NACA: variants seen among roughly 807,000 people sequenced by gnomAD.
NACA encodes nascent polypeptide associated complex subunit alpha.
Under a neutral mutation model 86.4 loss-of-function variants are expected in NACA, and 42 were observed. That is an observed-to-expected ratio of 0.49 (90% CI 0.38 to 0.63). The LOEUF (loss-of-function observed/expected upper bound fraction) is 0.63. Ranked by LOEUF, NACA falls within the 20% of genes least tolerant of loss-of-function variation. The pLI, the probability that NACA is intolerant of heterozygous loss-of-function variation, is 0.00. For missense variants in NACA, 2,157 were observed against 2,483.6 expected (o/e 0.87, Z 2.80); for synonymous variants, 898 against 973.7 (o/e 0.92, Z 1.45).
chr12:56,724,819 T>TA (rs1565901279), intron 1 of NACA: 3 of 367,312 alleles, frequency 8.2e-6, no homozygotes, highest in East Asian at 1.1e-4. Context: ...CCACTCCTAA[T>TA]ACTCACACTG....
intron 2 of NACA, 47 bp downstream of exon 2, chr12:56,724,405 C>T (rs1565900918): frequency 6.4e-7 from 1 of 1,561,602 alleles, no homozygotes; most frequent in Non-Finnish European, 8.7e-7. Flanking sequence ...CACCAAATGG[C>T]TTTAGGGTTA....
At position 56,718,155 on chromosome 12, in the gene NACA, T is replaced by G. The variant is rs56743414; in HGVS notation, c.3375A>C (p.Ala1125=). ...GAGGAGTTGCAGCTGGGGTTGTGGG[T>G]GCCCCTTTGTGGGGTGGGGTAGCTA... is the stretch of plus-strand genomic sequence containing the variant. ...GGLATPPHKG[A]PTTPAATPPS... Residue 1125 remains alanine (A), a synonymous_variant, in exon 3 of 9, where the codon GCA becomes GCC. Transcript: ENST00000454682. 927 of 469,618 alleles carry G rather than the reference T, an allele frequency of 2.0e-3. 138 individuals carry two copies. The highest frequency in any genetic ancestry group is 0.019 in the East Asian group (73 of 3,812). 29.1% of individuals were successfully genotyped at this position (469,618 alleles called of 1,614,324 possible).
intron 4 of NACA, 57 bp downstream of exon 4, chr12:56,714,545 T>C (rs955229074): frequency 3.7e-5 from 60 of 1,606,194 alleles, no homozygotes; most frequent in Non-Finnish European, 4.7e-5. Flanking sequence ...AATACAAAAG[T>C]TGCCCTGATC....
Position 56,716,323 on chromosome 12 carries a change from G to T in NACA, c.5207C>A (p.Ala1736Asp). 1 of 1,612,856 alleles carries T rather than the reference G, an allele frequency of 6.2e-7. No homozygotes were observed. The highest frequency in any genetic ancestry group is 8.5e-7 in the Non-Finnish European group (1 of 1,179,724). ...SKGPLSTVAP[A>D]PLLPVQKDSS... The stretch of plus-strand genomic sequence containing the variant: ...GTCTTTCTGAACAGGGAGTAGAGGG[G>T]CTGGAGCCACTGTGGAAAGGGGTCC... The change falls in exon 3 of 9, where the codon GCC becomes GAC. Residue 1736 changes from alanine (A) to aspartate (D), a missense_variant. Physicochemically the swap from Ala to Asp is moderately radical, Grantham distance 126 (BLOSUM62 -2). Coordinates refer to ENST00000454682, the MANE Select transcript of NACA (RefSeq NM_001365896.1).
Position 56,724,485 on chromosome 12 carries a change from C to G in NACA, c.37G>C (p.Glu13Gln). ...GEATETVPAT[E>Q]QELPQPQAET... ...GCCTGGGGCTGCGGCAACTCCTGCT[C>G]TGTAGCAGGGACGGTTTCTGTGGCT... Residue 13 changes from glutamate to glutamine, a missense_variant, in exon 2 of 9, where the codon GAG becomes CAG. Physicochemically the swap from Glu to Gln is conservative, Grantham distance 29 (BLOSUM62 2). Transcript: ENST00000454682. 1.9e-6 allele frequency: 3 copies of G among 1,612,836 alleles called. No individual in the cohort carries two copies. The highest frequency in any genetic ancestry group is 2.5e-6 in the Non-Finnish European group (3 of 1,179,506).
At position 56,720,375 on chromosome 12, in the gene NACA, G is replaced by C. The variant is rs1317530414; in HGVS notation, c.1155C>G (p.Pro385=). 3.1e-6 allele frequency: 5 copies of C among 1,613,902 alleles called. No homozygotes were observed. Among genetic ancestry groups the C allele is most frequent in the Non-Finnish European group, 4.2e-6 (5 of 1,179,854 alleles). Residue 385 remains proline, a synonymous_variant, in exon 3 of 9, where the codon CCC becomes CCG. Coordinates refer to ENST00000454682, the MANE Select transcript of NACA (RefSeq NM_001365896.1). ...TGCAGGTTATGCTAGAGATGGTAGA[G>C]GGACCTTTGTCAACAGATGGAGCCA... ...PVVAPSVDKG[P]STISSITCSP... is the part of the protein sequence containing the mutation.
chr12:56,714,109 T>C (rs371556274), intron 5 of NACA: 11 of 476,348 alleles, frequency 2.3e-5, no homozygotes, highest in African/African-American at 2.1e-4. Flanking sequence ...GGCCTTCCAG[T>C]GTGCTGGGAT....
chr12:56,719,764 G>A lies in NACA; in HGVS notation c.1766C>T (p.Thr589Ile), dbSNP rs1157957215. 4.3e-5 allele frequency: 69 copies of A among 1,613,814 alleles called. 1 individual carries two copies. The highest frequency in any genetic ancestry group is 1.6e-4 in the Middle Eastern group (1 of 6,082). The change falls in exon 3 of 9, where the codon ACC becomes ATC. Residue 589 changes from threonine to isoleucine, a missense_variant. Physicochemically the swap from Thr to Ile is moderately conservative, Grantham distance 89. Transcript: ENST00000454682. Reference protein sequence around the residue: ...SPEIPLSPEATLAKKSLGEPL... With the variant: ...SPEIPLSPEAILAKKSLGEPL... ...CTCCCCAAGGCTTTTCTTTGCTAGG[G>A]TGGCTTCAGGAGAAAGAGGTATCTC...
intron 5 of NACA, 98 bp downstream of exon 5, chr12:56,714,264 C>T: frequency 1.5e-6 from 2 of 1,325,900 alleles, no homozygotes; most frequent in Non-Finnish European, 2.1e-6. Flanking sequence ...ACTTGTATAA[C>T]CAAAATACCA....
Position 56,713,527 on chromosome 12 carries a change from G to GT in NACA, c.5970+9dup. The GT allele has an allele frequency of 6.2e-7, 1 of 1,613,362 alleles. No individual in the cohort carries two copies. Among genetic ancestry groups the GT allele is most frequent in the Admixed American group, 1.7e-5 (1 of 59,890 alleles). ...TGGTCTGGAACAATGCCCAAGAAAA[G>GT]TTTACTCACCTTGGCTTCCCCAAAA... On this transcript the variant is annotated intron_variant, in intron 6 of 8. Transcript: ENST00000454682.
rs772163703 is a variant in NACA at position 56,712,774 on chromosome 12, T to C, written c.6222+12A>G. The C allele has an allele frequency of 1.7e-5, 27 of 1,614,082 alleles. No individual in the cohort carries two copies. The highest frequency in any genetic ancestry group is 2.1e-5 in the Non-Finnish European group (25 of 1,180,040). On this transcript the variant is annotated intron_variant, in intron 8 of 8. Transcript: ENST00000454682. Reference sequence around the variant, plus strand: ...GCAGAGGGAGTCAAGGAACAAAGGCTTGAACACTTACCATAATCGCATTTA... The same window carrying C: ...GCAGAGGGAGTCAAGGAACAAAGGCCTGAACACTTACCATAATCGCATTTA...
chr12:56,715,831 C>G, intron 3 of NACA, 40 bp downstream of exon 3: 1 of 1,478,978 alleles, frequency 6.8e-7, no homozygotes, highest in Non-Finnish European at 9.0e-7. Context: ...GGGGTGTGGA[C>G]GACAGACACA....
chr12:56,724,649 G>A (rs2137840792), intron 1 of NACA, 126 bp from the exon 2 acceptor site: 1 of 989,844 alleles, frequency 1.0e-6, no homozygotes, highest in Non-Finnish European at 1.5e-6. Flanking sequence ...GGTGTTTGGT[G>A]ACAACCTTCC....
rs763477499 is a variant in NACA at position 56,720,675 on chromosome 12, C to G, written c.855G>C (p.Val285=). 1.1e-5 allele frequency: 18 copies of G among 1,613,760 alleles called. No individual in the cohort carries two copies. The highest frequency in any genetic ancestry group is 1.4e-5 in the Non-Finnish European group (17 of 1,179,894). ...ALSLSTQSLP[V]VTSSQKTAGP... is the part of the protein sequence containing the mutation. ...CCGCAGTCTTTTGAGAAGAGGTCACCACAGGAAGAGACTGAGTTGAAAGAG... is the reference window on the plus strand; with the variant it reads ...CCGCAGTCTTTTGAGAAGAGGTCACGACAGGAAGAGACTGAGTTGAAAGAG... Residue 285 remains valine (V), a synonymous_variant, in exon 3 of 9, where the codon GTG becomes GTC. Coordinates refer to ENST00000454682, the MANE Select transcript of NACA (RefSeq NM_001365896.1).
At chr12:56,724,140 G>C (rs1429418488) in intron 2 of NACA, among the ~76,000 whole-genome samples, 1 of 152,190 alleles carries the variant, frequency 6.6e-6, no homozygotes, top group Non-Finnish European at 1.5e-5. Flanking sequence ...CAATAGGTAA[G>C]AATCACTGAG....
rs369832801 is a variant in NACA at position 56,720,364 on chromosome 12, G to C, written c.1166C>G (p.Ser389Cys). The C allele has an allele frequency of 1.6e-5, 26 of 1,613,834 alleles. No individual in the cohort carries two copies. The highest frequency in any genetic ancestry group is 2.0e-5 in the Non-Finnish European group (24 of 1,179,870). The stretch of plus-strand genomic sequence containing the variant: ...GCCAGAAGGGCTGCAGGTTATGCTA[G>C]AGATGGTAGAGGGACCTTTGTCAAC... ...PSVDKGPSTI[S>C]SITCSPSGSL... The change falls in exon 3 of 9, where the codon TCT becomes TGT. Residue 389 changes from serine (S) to cysteine (C), a missense_variant. By Grantham distance (112) the Ser-to-Cys change is moderately radical. Transcript: ENST00000454682.
At chr12:56,722,744 C>A (rs1953607346) in intron 2 of NACA, among the ~76,000 whole-genome samples, 1 of 151,988 alleles carries the variant, frequency 6.6e-6, no homozygotes, top group Non-Finnish European at 1.5e-5. Context: ...ACACTGGATC[C>A]CCACTCCTTA....
At position 56,718,954 on chromosome 12, in the gene NACA, G is replaced by T. The variant is rs1448906470; in HGVS notation, c.2576C>A (p.Pro859Gln). The T allele has an allele frequency of 6.9e-7, 1 of 1,446,784 alleles. No individual in the cohort carries two copies. Among genetic ancestry groups the T allele is most frequent in the Middle Eastern group, 1.9e-4 (1 of 5,250 alleles). 89.6% of individuals were successfully genotyped at this position (1,446,784 alleles called of 1,614,324 possible). A position where few individuals can be genotyped will look rare whatever the true frequency, so the allele number is the denominator to read the frequency against. The change falls in exon 3 of 9, where the codon CCA becomes CAA. Residue 859 changes from proline to glutamine, a missense_variant. Around this residue, in one of 8 missense-constraint regions of NACA, gnomAD observed 174 missense variants for 217.0 expected, o/e 0.80. Coordinates refer to ENST00000454682, the MANE Select transcript of NACA (RefSeq NM_001365896.1). ...GGGAGTAGGGGCCCCTTTGGGGGAT[G>T]GAGGAGTGGGAGAATGCGTCGTGGC... ...SPATTHSPTPPSPKGAPTPSA... is the reference protein window; with the variant it reads ...SPATTHSPTPQSPKGAPTPSA...
chr12:56,712,495 C>T lies in NACA; in HGVS notation c.*43G>A, dbSNP rs1953246820. 3 of 1,584,054 alleles carry T rather than the reference C, an allele frequency of 1.9e-6. No homozygotes were observed. Among genetic ancestry groups the T allele is most frequent in the African/African-American group, 1.4e-5 (1 of 73,834 alleles). On this transcript the variant is annotated 3_prime_UTR_variant, in exon 9 of 9. Coordinates refer to ENST00000454682, the MANE Select transcript of NACA (RefSeq NM_001365896.1). ...ACAGTACAAATTTCAAACCAAGCTG[C>T]AGTTACTCCTTTGAGACACCAAAAA...
Sources: gnomAD v4.1 joint callset for allele counts (sites outside exome capture counted in the v4.1 genomes callset) on GRCh38, gnomAD v4.1.1 for gene constraint, gnomAD v4.1.1 regional missense constraint, MANE v1.5 for transcripts, NCBI Gene and HGNC (gene_info 2026-07-23, HGNC 2026-07-21) for gene names.